The following PTPRB variants were observed in gnomAD, a reference collection of about 807,000 sequenced individuals.
PTPRB encodes the protein receptor-type tyrosine-protein phosphatase beta.
PTPRB carries 97 observed loss-of-function variants against 238.1 expected under a neutral mutation model. The ratio of observed to expected loss-of-function variants is 0.41; its 90% confidence interval spans 0.35 to 0.48. The LOEUF is 0.48. PTPRB is among the 20% of genes least tolerant of loss of function. The probability of loss-of-function intolerance (pLI) is 0.30; values close to 1 mark genes in which losing one functional copy is unlikely to be tolerated. For missense variants in PTPRB, 2,292 were observed against 2,681.9 expected (o/e 0.85, Z 3.21); for synonymous variants, 970 against 995.4 (o/e 0.97, Z 0.48).
intron 9 of PTPRB, among the ~76,000 whole-genome samples, chr12:70,586,277 G>A (rs544771384): frequency 2.0e-5 from 3 of 152,154 alleles, no homozygotes; most frequent in Non-Finnish European, 4.4e-5. Flanking sequence ...GTGTAAAAGT[G>A]TTCGTATCTC....
intron 26 of PTPRB, chr12:70,539,328 G>T (rs1874679148): frequency 1.3e-5 from 7 of 535,416 alleles, no homozygotes; most frequent in Non-Finnish European, 2.3e-5. Flanking sequence ...CAAGCAAATG[G>T]CCAGGCTGAA....
At chr12:70,597,196 A>G (rs1883107414) in intron 4 of PTPRB, among the ~76,000 whole-genome samples, 1 of 152,114 alleles carries the variant, frequency 6.6e-6, no homozygotes, top group Non-Finnish European at 1.5e-5. Flanking sequence ...TGCTGGGATT[A>G]CAGGCATGAG....
rs909139487 is a variant in PTPRB, at chr12:70,609,920, G to A, written c.709-581C>T. 46 of 1,069,036 alleles carry A rather than the reference G, an allele frequency of 4.3e-5. 1 individual carries two copies. In the South Asian group the frequency reaches 5.6e-4, roughly 13 times the overall value. 66.2% of individuals were successfully genotyped at this position (1,069,036 alleles called of 1,614,324 possible). On this transcript the variant is annotated intron_variant, in intron 3 of 33. Coordinates refer to ENST00000334414, the MANE Select transcript of PTPRB (RefSeq NM_001109754.4). The stretch of plus-strand genomic sequence containing the variant: ...GTTGCGCGCGCTCAGCGCGCCCCGT[G>A]GGCGCAGCGCGCTTCCCTCGGGGCT...
chr12:70,520,242 A>G lies in PTPRB; in HGVS notation c.*1247T>C. 2.1e-6 allele frequency: 1 copy of G among 470,460 alleles called. No individual in the cohort carries two copies. Among genetic ancestry groups the G allele is most frequent in the Non-Finnish European group, 4.3e-6 (1 of 233,698 alleles). 29.1% of individuals were successfully genotyped at this position (470,460 alleles called of 1,614,324 possible). ...ACCTTGATGAAGGAAATACTTTCTGACTCATTGGAATTTGTTATAGTCAAA... is the reference window on the plus strand; with the variant it reads ...ACCTTGATGAAGGAAATACTTTCTGGCTCATTGGAATTTGTTATAGTCAAA... On this transcript the variant is annotated 3_prime_UTR_variant, in exon 34 of 34. Coordinates refer to ENST00000334414, the MANE Select transcript of PTPRB (RefSeq NM_001109754.4).
intron 14 of PTPRB, 57 bp from the exon 15 acceptor site, chr12:70,566,761 A>G: frequency 1.9e-6 from 3 of 1,551,306 alleles, no homozygotes; most frequent in Non-Finnish European, 2.6e-6. Context: ...GGGTAAAGTC[A>G]TCAATTGAGA....
chr12:70,539,956 T>C lies in PTPRB; in HGVS notation c.5661A>G (p.Leu1887=). Residue 1887 remains leucine, a synonymous_variant, in exon 24 of 34, where the codon TTA becomes TTG. Coordinates refer to ENST00000334414, the MANE Select transcript of PTPRB (RefSeq NM_001109754.4). ...GTGCTTACCCTTTCTGGCCCAGGTT[T>C]AAGTGGACAGATAATGGTCGATCCC... is the stretch of plus-strand genomic sequence containing the variant. The part of the protein sequence containing the change: ...IRRDRPLSVH[L]NLGQKGNRKT... The C allele has an allele frequency of 6.2e-7, 1 of 1,611,742 alleles. No homozygotes were observed. Among genetic ancestry groups the C allele is most frequent in the South Asian group, 1.1e-5 (1 of 91,030 alleles).
chr12:70,539,019 T>C lies in PTPRB; in HGVS notation c.5779-5A>G. ...TCGGCCCACGTCTTTTAACTCCTGTTAGGTCAAATATGAGTTTGTAAGTGG... is the reference window on the plus strand; with the variant it reads ...TCGGCCCACGTCTTTTAACTCCTGTCAGGTCAAATATGAGTTTGTAAGTGG... On this transcript the variant is annotated splice_region_variant and splice_polypyrimidine_tract_variant and intron_variant, in intron 26 of 33. Transcript: ENST00000334414. 1 of 1,607,884 alleles carries C rather than the reference T, an allele frequency of 6.2e-7. No homozygotes were observed. Among genetic ancestry groups the C allele is most frequent in the Non-Finnish European group, 8.5e-7 (1 of 1,174,700 alleles).
intron 23 of PTPRB, chr12:70,540,614 TTAAA>T (rs1874923729): frequency 4.7e-6 from 2 of 426,744 alleles, no homozygotes; most frequent in South Asian, 7.3e-5. Context: ...CACTTCATCT[TTAAA>T]TAAAGCTATA....
chr12:70,626,401 G>GCCTACCTA (rs1167962348), intron 2 of PTPRB, among the ~76,000 whole-genome samples: 3 of 145,926 alleles, frequency 2.1e-5, no homozygotes, highest in East Asian at 4.0e-4. Flanking sequence ...CTGCCTGCCT[G>GCCTACCTA]CCTACCTACC....
At chr12:70,599,852 T>G (rs1213983727) in intron 4 of PTPRB, among the ~76,000 whole-genome samples, 1 of 152,112 alleles carries the variant, frequency 6.6e-6, no homozygotes, top group Non-Finnish European at 1.5e-5. Context: ...TGCCCTTAGT[T>G]CCAGTTACTC....
rs1881348622 is a variant in PTPRB at position 70,581,159 on chromosome 12, T to C, written c.2455A>G (p.Ile819Val). ...CTGTATCTGCTGGTCTCACTGGAGA[T>C]GCTTTCATTTTTAATGACCACATTT... is the stretch of plus-strand genomic sequence containing the variant. ...HENVVIKNES[I>V]SSETSRYSFH... The change falls in exon 10 of 34, where the codon ATC becomes GTC. Residue 819 changes from isoleucine to valine, a missense_variant. Transcript: ENST00000334414. 1 of 1,613,898 alleles carries C rather than the reference T, an allele frequency of 6.2e-7. No individual in the cohort carries two copies. Among genetic ancestry groups the C allele is most frequent in the Non-Finnish European group, 8.5e-7 (1 of 1,179,898 alleles).
Position 70,592,384 on chromosome 12 carries a change from C to T in PTPRB, c.1678G>A (p.Glu560Lys), listed in dbSNP as rs1191811225. 4.3e-6 allele frequency: 7 copies of T among 1,613,832 alleles called. No homozygotes were observed. The Admixed American group carries it at 1.2e-4, about 27-fold the overall frequency. The change falls in exon 7 of 34, where the codon GAA becomes AAA. Residue 560 changes from glutamate (E) to lysine (K), a missense_variant. By Grantham distance (56) the Glu-to-Lys change is moderately conservative. Around this residue, in one of 4 missense-constraint regions of PTPRB, gnomAD observed 1,205 missense variants for 1,287.8 expected, o/e 0.94. Transcript: ENST00000334414. Reference sequence around the variant, plus strand: ...GGGACTAACTCTTTAAAGTGAGTTTCAGTAATCCAAGGTGCTAATACTCTG... The same window carrying T: ...GGGACTAACTCTTTAAAGTGAGTTTTAGTAATCCAAGGTGCTAATACTCTG... ...ESRVLAPWITETHFKELVPGR... is the reference protein window; with the variant it reads ...ESRVLAPWITKTHFKELVPGR...
intron 15 of PTPRB, 40 bp from the exon 16 acceptor site, chr12:70,563,147 G>A (rs756209169): frequency 3.2e-6 from 5 of 1,563,504 alleles, no homozygotes; most frequent in Non-Finnish European, 4.4e-6. Flanking sequence ...GGAGGGAAAT[G>A]CAGTGAGGAG....
chr12:70,637,250 C>T (rs906234738), intron 1 of PTPRB, 91 bp downstream of exon 1: 9 of 1,235,626 alleles, frequency 7.3e-6, no homozygotes, highest in Middle Eastern at 2.1e-4. Flanking sequence ...GACCTGGCCC[C>T]TTCTACCTTA....
At chr12:70,552,658 G>A in intron 21 of PTPRB, 119 bp downstream of exon 21, 3 of 1,303,316 alleles carry the variant, frequency 2.3e-6, no homozygotes, top group East Asian at 4.7e-5. Context: ...AAAATGCACA[G>A]TACTCTTGTA....
Position 70,571,660 on chromosome 12 carries a change from C to A in PTPRB, c.3106+164G>T, listed in dbSNP as rs149130319. ...TTGCTTTTATCTACCAATAAATATT[C>A]TGTAATTATAGGCCATGGCTTGGCT... On this transcript the variant is annotated intron_variant, in intron 12 of 33. Transcript: ENST00000334414. Among the ~76,000 whole-genome samples the A allele has an allele frequency of 3.0e-3, 464 of 152,284 alleles. 1 individual carries two copies. The highest frequency in any genetic ancestry group is 0.01 in the African/African-American group (432 of 41,554).
At chr12:70,539,085 G>A (rs1349956996) in intron 26 of PTPRB, 71 bp from the exon 27 acceptor site, 2 of 1,191,186 alleles carry the variant, frequency 1.7e-6, no homozygotes. Context: ...CAGTCCTGGA[G>A]ATAACATAAT....
chr12:70,621,186 C>A (rs1362223025), intron 3 of PTPRB, among the ~76,000 whole-genome samples: 1 of 152,084 alleles, frequency 6.6e-6, no homozygotes, highest in Non-Finnish European at 1.5e-5. Flanking sequence ...ATTTTCCACG[C>A]CCAGATAGAT....
chr12:70,563,286 C>T (rs544379230), intron 15 of PTPRB, among the ~76,000 whole-genome samples, 179 bp from the exon 16 acceptor site: 109 of 152,172 alleles, frequency 7.2e-4, no homozygotes, highest in Non-Finnish European at 1.4e-3. Context: ...ATTTTGCAAA[C>T]CCTTTTGGAC....
Sources: allele counts gnomAD v4.1 joint callset (sites outside exome capture counted in the v4.1 genomes callset), GRCh38; gene constraint gnomAD v4.1.1; regional missense constraint gnomAD v4.1.1; transcripts MANE v1.5; gene names NCBI Gene and HGNC (gene_info 2026-07-23, HGNC 2026-07-21).